NDOR1: variants seen among roughly 807,000 people sequenced by gnomAD.
NDOR1 encodes NADPH dependent diflavin oxidoreductase 1.
In NDOR1, 61 loss-of-function variants were observed where a neutral mutation model predicts 67.2. That is an observed-to-expected ratio of 0.91 (90% confidence interval 0.74 to 1.12). NDOR1 has a LOEUF of 1.12. Ranked by LOEUF, NDOR1 falls within the 50% of genes most tolerant of loss-of-function variation. The probability of loss-of-function intolerance (pLI) is 0.00; values close to 1 mark genes in which losing one functional copy is unlikely to be tolerated. For synonymous variants in NDOR1, 378 were observed against 343.7 expected, an observed-to-expected ratio of 1.10 and a Z score of -1.10; for missense variants, 878 against 802.8, an observed-to-expected ratio of 1.09 and a Z score of -1.13.
At position 137,205,722 on chromosome 9, in the gene NDOR1, C is replaced by G. The variant is rs375566903; in HGVS notation, c.-56C>G. 6 of 1,596,500 alleles carry G rather than the reference C, an allele frequency of 3.8e-6. No individual in the cohort carries two copies. In the African/African-American group the frequency reaches 4.0e-5, roughly 11 times the overall value. On this transcript the variant is annotated 5_prime_UTR_variant, in exon 1 of 14. Transcript: ENST00000684003. ...GGCGGAGCGGTCCCTGCAACCCGGC[C>G]GGCGGGAACTGCCTTCTAGTTTTTA...
chr9:137,215,632 C>G (rs960052068), intron 10 of NDOR1, 27 bp from the exon 11 acceptor site: 2 of 1,581,956 alleles, frequency 1.3e-6, no homozygotes, highest in Non-Finnish European at 8.6e-7. Context: ...CTTTGATCCT[C>G]TTCATGCCAC....
In NDOR1 at chr9:137,214,626, A is replaced by G. The variant is rs765619684; in HGVS notation, c.779A>G (p.Gln260Arg). 4.3e-6 allele frequency: 7 copies of G among 1,609,902 alleles called. No homozygotes were observed. Among genetic ancestry groups the G allele is most frequent in the Non-Finnish European group, 4.2e-6 (5 of 1,179,944 alleles). Residue 260 changes from glutamine to arginine, a missense_variant, in exon 7 of 14, where the codon CAG becomes CGG. Gln to Arg is a conservative substitution (Grantham distance 43). Transcript: ENST00000684003. ...CCCTCCAACTCGGCTGCCCATGTCC[A>G]GCGGTTCTGCCAGGTGCTGGGCCTG... is the stretch of plus-strand genomic sequence containing the variant. ...IQPSNSAAHV[Q>R]RFCQVLGLDP...
At chr9:137,208,500 C>T (rs1835092281) in intron 2 of NDOR1, among the ~76,000 whole-genome samples, 1 of 151,300 alleles carries the variant, frequency 6.6e-6, no homozygotes, top group African/African-American at 2.4e-5. Flanking sequence ...AAAACCACAT[C>T]TGGCTGTGAA....
rs1467855432 is a variant in NDOR1, at chr9:137,217,653, TCA to T, written c.*1238_*1239del. The T allele has an allele frequency of 3.4e-5, 8 of 234,916 alleles. No individual in the cohort carries two copies. Among genetic ancestry groups the T allele is most frequent in the Non-Finnish European group, 4.9e-5 (6 of 122,140 alleles). The allele number at this position is 234,916 out of a possible 1,614,324, so 14.6% of individuals were successfully genotyped here. ...CAGGCAGGCCTTGCTGGGGCCCCAG[TCA>T]AGTCCACTTCCAGTGAGGAGAGCCA... On this transcript the variant is annotated 3_prime_UTR_variant, in exon 14 of 14. Transcript: ENST00000684003.
At chr9:137,213,372 C>A (rs1165897841) in intron 3 of NDOR1, among the ~76,000 whole-genome samples, 2 of 152,144 alleles carry the variant, frequency 1.3e-5, no homozygotes, top group African/African-American at 4.8e-5. Flanking sequence ...AGAAACTGAC[C>A]CCCGGGAAGA....
At chr9:137,213,933 G>GTCCGCTCAGGCCAGCGCACGTGCTCCC (rs749951554) in intron 4 of NDOR1, 34 bp from the exon 5 acceptor site, 3 of 1,582,000 alleles carry the variant, frequency 1.9e-6, no homozygotes, top group African/African-American at 2.7e-5. Context: ...CACACGCAGG[G>GTCCGCTCAGGCCAGCGCACGTGCTCCC]TCCGCTCAGG....
At position 137,215,673 on chromosome 9, in the gene NDOR1, C is replaced by A; in HGVS notation, c.1303C>A (p.Pro435Thr). Residue 435 changes from proline (P) to threonine (T), a missense_variant, in exon 11 of 14, where the codon CCC becomes ACC. Transcript: ENST00000684003. ...TCCTGCAATAGGACCTGTCCGGGTG[C>A]CCCTCTGGGTGCGGCCTGGGAGTCT... The part of the protein sequence containing the change: ...LDPGQGPVRV[P>T]LWVRPGSLAF... 3 of 1,570,656 alleles carry A rather than the reference C, an allele frequency of 1.9e-6. No individual in the cohort carries two copies. Among genetic ancestry groups the A allele is most frequent in the Non-Finnish European group, 2.6e-6 (3 of 1,157,762 alleles).
In NDOR1 at chr9:137,217,022, GCTTC is replaced by G. The variant is rs1835643183; in HGVS notation, c.*617_*620del. 3 of 179,274 alleles carry G rather than the reference GCTTC, an allele frequency of 1.7e-5. No individual in the cohort carries two copies. The highest frequency in any genetic ancestry group is 9.5e-5 in the South Asian group (1 of 10,476). The allele number at this position is 179,274 out of a possible 1,614,324, so 11.1% of individuals were successfully genotyped here. On this transcript the variant is annotated 3_prime_UTR_variant, in exon 14 of 14. Transcript: ENST00000684003. The stretch of plus-strand genomic sequence containing the variant: ...CTCTGGGTGGTTACTTCTAGCGCAG[GCTTC>G]CTTCCTTCCTCTAGCTCCTCCCGGT...
rs1835297495 is a variant in NDOR1 at position 137,212,294 on chromosome 9, C to A, written c.214-208C>A. Among the ~76,000 whole-genome samples the A allele has an allele frequency of 6.6e-6, 1 of 152,084 alleles. No individual in the cohort carries two copies. The highest frequency in any genetic ancestry group is 1.5e-5 in the Non-Finnish European group (1 of 68,000). On this transcript the variant is annotated intron_variant, in intron 2 of 13. Transcript: ENST00000684003. The surrounding 1 kb of genome is among the most constrained non-coding windows in gnomAD (Gnocchi z 4.3). ...CTGTGGGCAGGGTGGGACCTGGTCTCCCTAGACGCTGGACCAGCCCTGCCT... is the reference window on the plus strand; with the variant it reads ...CTGTGGGCAGGGTGGGACCTGGTCTACCTAGACGCTGGACCAGCCCTGCCT...
chr9:137,207,655 G>A (rs767577601), intron 2 of NDOR1, among the ~76,000 whole-genome samples: 4 of 152,140 alleles, frequency 2.6e-5, no homozygotes, highest in Non-Finnish European at 5.9e-5. Context: ...GGGAGTGAGT[G>A]TTCCAGGAAG....
In NDOR1 at chr9:137,215,492, C is replaced by T. The variant is rs757281146; in HGVS notation, c.1259C>T (p.Ser420Phe). 9.3e-6 allele frequency: 15 copies of T among 1,613,342 alleles called. No homozygotes were observed. The highest frequency in any genetic ancestry group is 1.0e-5 in the Non-Finnish European group (12 of 1,180,008). ...GAGCCCCGCCGGGGCCTCTGCTCCT[C>T]CTGGCTGGCATCCCTGGACCCTGGG... ...LKEPRRGLCS[S>F]WLASLDPGQG... is the part of the protein sequence containing the mutation. Residue 420 changes from serine to phenylalanine, a missense_variant, in exon 10 of 14, where the codon TCC becomes TTC. Coordinates refer to ENST00000684003, the MANE Select transcript of NDOR1 (RefSeq NM_014434.4).
In NDOR1 at chr9:137,212,546, C is replaced by T; in HGVS notation, c.258C>T (p.Ala86=). 6.2e-7 allele frequency: 1 copy of T among 1,614,104 alleles called. No individual in the cohort carries two copies. Among genetic ancestry groups the T allele is most frequent in the Non-Finnish European group, 8.5e-7 (1 of 1,179,980 alleles). The change falls in exon 3 of 14, where the codon GCC becomes GCT. Residue 86 remains alanine (A), a synonymous_variant. Coordinates refer to ENST00000684003, the MANE Select transcript of NDOR1 (RefSeq NM_014434.4). This position sits in a 1 kb window ranked among gnomAD's most constrained non-coding sequence, Gnocchi z 4.3. ...TCCGGAAGAACCTGCCCTCCACTGCCCTCTGTCAGATGGACTTTGCCGTCC... is the reference window on the plus strand; with the variant it reads ...TCCGGAAGAACCTGCCCTCCACTGCTCTCTGTCAGATGGACTTTGCCGTCC... ...FIFRKNLPST[A]LCQMDFAVLG...
In NDOR1 at chr9:137,214,629, G is replaced by A. The variant is rs201990603; in HGVS notation, c.782G>A (p.Arg261Gln). Residue 261 changes from arginine to glutamine, a missense_variant, in exon 7 of 14, where the codon CGG (arginine) becomes CAG (glutamine). Transcript: ENST00000684003. ...TCCAACTCGGCTGCCCATGTCCAGCGGTTCTGCCAGGTGCTGGGCCTGGAC... is the reference window on the plus strand; with the variant it reads ...TCCAACTCGGCTGCCCATGTCCAGCAGTTCTGCCAGGTGCTGGGCCTGGAC... ...QPSNSAAHVQ[R>Q]FCQVLGLDPD... 7.6e-5 allele frequency: 123 copies of A among 1,609,518 alleles called. No homozygotes were observed. Among genetic ancestry groups the A allele is most frequent in the South Asian group, 1.2e-4 (11 of 91,084 alleles).
chr9:137,213,211 G>A (rs1362629978), intron 3 of NDOR1, among the ~76,000 whole-genome samples: 1 of 152,230 alleles, frequency 6.6e-6, no homozygotes, highest in African/African-American at 2.4e-5. Context: ...CGTGCGTGAC[G>A]TAGGTCCGTG....
Position 137,215,759 on chromosome 9 carries a change from C to T in NDOR1, c.1389C>T (p.Ala463=), listed in dbSNP as rs759437764. 3 of 1,600,634 alleles carry T rather than the reference C, an allele frequency of 1.9e-6. No homozygotes were observed. The East Asian group carries it at 6.7e-5, about 36-fold the overall frequency. ...TGGTGGGGCCTGGCACTGGGGTAGC[C>T]CCCTTCCGAGCAGCCATCCAGGAGC... ...VIMVGPGTGV[A]PFRAAIQERV... The change falls in exon 11 of 14, where the codon GCC becomes GCT. Residue 463 remains alanine, a synonymous_variant. Coordinates refer to ENST00000684003, the MANE Select transcript of NDOR1 (RefSeq NM_014434.4).
chr9:137,214,461 GTC>G (rs769264248), intron 6 of NDOR1, 48 bp downstream of exon 6: 13 of 1,544,990 alleles, frequency 8.4e-6, no homozygotes, highest in African/African-American at 1.7e-5. Context: ...TGGGCCGTGG[GTC>G]TGGGGTTCGG....
At chr9:137,209,526 G>C (rs1364007323) in intron 2 of NDOR1, among the ~76,000 whole-genome samples, 1 of 152,188 alleles carries the variant, frequency 6.6e-6, no homozygotes, top group Non-Finnish European at 1.5e-5. Context: ...CCAGGAGTTG[G>C]AGGGGGCAGC....
Position 137,216,530 on chromosome 9 carries a change from C to T in NDOR1, c.*114C>T, listed in dbSNP as rs1835616700. On this transcript the variant is annotated 3_prime_UTR_variant, in exon 14 of 14. Transcript: ENST00000684003. ...CATCCTCTCGGACCAGCCAGCTGGT[C>T]CTCTGGGAACAGCCAGCTCCCGAGC... The T allele has an allele frequency of 1.5e-5, 20 of 1,365,950 alleles. No homozygotes were observed. The South Asian group carries it at 2.6e-4, about 18-fold the overall frequency. The allele number at this position is 1,365,950 out of a possible 1,614,324, so 84.6% of individuals were successfully genotyped here. A position where few individuals can be genotyped will look rare whatever the true frequency, so the allele number is the denominator to read the frequency against.
At position 137,212,480 on chromosome 9, in the gene NDOR1, T is replaced by C. The variant is rs750568835; in HGVS notation, c.214-22T>C. On this transcript the variant is annotated intron_variant, in intron 2 of 13. Transcript: ENST00000684003. This position sits in a 1 kb window ranked among gnomAD's most constrained non-coding sequence, Gnocchi z 4.3. ...TAGCCTAGAGGTCGAGGACTCTGAC[T>C]CAGAGTTTCCTCCGGCTGTAGAACT... is the stretch of plus-strand genomic sequence containing the variant. 3.1e-6 allele frequency: 5 copies of C among 1,609,522 alleles called. No homozygotes were observed. In the African/African-American group the frequency reaches 5.3e-5, roughly 17 times the overall value.
Sources: allele counts gnomAD v4.1 joint callset (sites outside exome capture counted in the v4.1 genomes callset), GRCh38; gene constraint gnomAD v4.1.1; non-coding constraint Gnocchi (gnomAD v3.1); transcripts MANE v1.5; gene names NCBI Gene and HGNC (gene_info 2026-07-23, HGNC 2026-07-21).